CYTH1: variants seen among roughly 807,000 people sequenced by gnomAD.
The protein encoded by CYTH1 is cytohesin-1.
CYTH1 carries 18 observed loss-of-function variants against 61.8 expected under a neutral mutation model. The observed-to-expected ratio is 0.29, with a 90% CI of 0.20 to 0.43. CYTH1 has a LOEUF of 0.43. Among genes scored for constraint, CYTH1 ranks in the 20% least tolerant of loss-of-function variants. The pLI, the probability that CYTH1 is intolerant of heterozygous loss-of-function variation, is 1.00. For synonymous variants in CYTH1, 174 were observed against 184.3 expected, an observed-to-expected ratio of 0.94 and a Z score of 0.45; for missense variants, 336 against 510.5, an observed-to-expected ratio of 0.66 and a Z score of 3.29.
Position 78,676,064 on chromosome 17 carries a change from C to T in CYTH1, c.*27G>A, listed in dbSNP as rs769629276. ...AGAAGAGCAGGAGCTCCAAGGCCCC[C>T]GCAGACCAACGCCCTTGGCTGCACG... On this transcript the variant is annotated 3_prime_UTR_variant, in exon 14 of 14. Coordinates refer to ENST00000446868, the MANE Select transcript of CYTH1 (RefSeq NM_004762.6). 26 of 1,590,666 alleles carry T rather than the reference C, an allele frequency of 1.6e-5. No individual in the cohort carries two copies. In the East Asian group the frequency reaches 2.7e-4, roughly 17 times the overall value.
At chr17:78,709,585 T>C in intron 2 of CYTH1, 65 bp downstream of exon 2, 1 of 1,567,040 alleles carries the variant, frequency 6.4e-7, no homozygotes, top group Admixed American at 1.7e-5. Context: ...AAGGACACCC[T>C]TTCATACAAA....
At chr17:78,734,906 T>C (rs914694043) in intron 1 of CYTH1, among the ~76,000 whole-genome samples, 6 of 152,154 alleles carry the variant, frequency 3.9e-5, no homozygotes, top group Non-Finnish European at 7.3e-5. Context: ...CATAACTGAC[T>C]CTTAACTTCT....
chr17:78,778,114 C>A (rs2093500365), intron 1 of CYTH1, among the ~76,000 whole-genome samples: 1 of 151,562 alleles, frequency 6.6e-6, no homozygotes. Flanking sequence ...ACCAGCCTGG[C>A]CAACATGGGG....
intron 1 of CYTH1, among the ~76,000 whole-genome samples, chr17:78,715,425 G>A (rs569357101): frequency 6.6e-6 from 1 of 152,278 alleles, no homozygotes; most frequent in African/African-American, 2.4e-5. Flanking sequence ...CAAGGAACGG[G>A]ACTGACTCAG....
Position 78,709,502 on chromosome 17 carries a change from A to G in CYTH1, c.105+148T>C, listed in dbSNP as rs2093105367. 5.6e-6 allele frequency: 4 copies of G among 712,862 alleles called. No homozygotes were observed. In the South Asian group the frequency reaches 7.4e-5, roughly 13 times the overall value. The allele number at this position is 712,862 out of a possible 1,614,324, so 44.2% of individuals were successfully genotyped here. Reference sequence around the variant, plus strand: ...CTCAGCTGTAGAGGAAAGGTGACTGATTATCAACACCTACGCTTTGTGCAG... The same window carrying G: ...CTCAGCTGTAGAGGAAAGGTGACTGGTTATCAACACCTACGCTTTGTGCAG... On this transcript the variant is annotated intron_variant, in intron 2 of 13. Coordinates refer to ENST00000446868, the MANE Select transcript of CYTH1 (RefSeq NM_004762.6).
At chr17:78,689,435 C>T (rs527523285) in intron 11 of CYTH1, among the ~76,000 whole-genome samples, 3 of 152,308 alleles carry the variant, frequency 2.0e-5, no homozygotes, top group Admixed American at 2.0e-4. Context: ...ATCTCTGGCC[C>T]ATACAATTTA....
intron 1 of CYTH1, among the ~76,000 whole-genome samples, chr17:78,751,149 C>T (rs543021530): frequency 3.9e-5 from 6 of 151,938 alleles, no homozygotes; most frequent in African/African-American, 1.2e-4. Context: ...GGGACATGGG[C>T]TCTATTTTTA....
chr17:78,679,018 C>G (rs760852409), intron 13 of CYTH1, among the ~76,000 whole-genome samples: 1 of 152,228 alleles, frequency 6.6e-6, no homozygotes, highest in Non-Finnish European at 1.5e-5. Flanking sequence ...TCCTTTCCCT[C>G]CATCATCACA....
intron 2 of CYTH1, 178 bp downstream of exon 2, chr17:78,709,472 A>G: frequency 1.6e-6 from 1 of 607,764 alleles, no homozygotes; most frequent in East Asian, 2.9e-5. Flanking sequence ...CTGACACTGC[A>G]TCTCCTCAGC....
intron 13 of CYTH1, among the ~76,000 whole-genome samples, chr17:78,678,863 C>G (rs904702238): frequency 3.3e-5 from 5 of 152,230 alleles, no homozygotes; most frequent in Admixed American, 1.3e-4. Flanking sequence ...GGTTACCCAC[C>G]TACCAGGCAC....
chr17:78,771,168 C>T (rs1044146162), intron 1 of CYTH1, among the ~76,000 whole-genome samples: 1 of 152,194 alleles, frequency 6.6e-6, no homozygotes, highest in Non-Finnish European at 1.5e-5. Context: ...GAGGCTGAGG[C>T]AGGTAAACTG....
At chr17:78,702,498 C>T (rs777660169) in intron 4 of CYTH1, 40 bp downstream of exon 4, 20 of 1,600,754 alleles carry the variant, frequency 1.2e-5, no homozygotes, top group Non-Finnish European at 1.6e-5. Context: ...TAAAAAAACC[C>T]CATCTAATAT....
intron 1 of CYTH1, among the ~76,000 whole-genome samples, chr17:78,722,287 A>C (rs2093235296): frequency 6.6e-6 from 1 of 152,230 alleles, no homozygotes; most frequent in Non-Finnish European, 1.5e-5. Context: ...TATAGCTGAC[A>C]TAGCTGGGGT....
At chr17:78,770,976 A>C (rs1403229350) in intron 1 of CYTH1, among the ~76,000 whole-genome samples, 3 of 152,132 alleles carry the variant, frequency 2.0e-5, no homozygotes, top group Non-Finnish European at 4.4e-5. Context: ...AAAAATACAA[A>C]AACTGGCCAG....
intron 13 of CYTH1, among the ~76,000 whole-genome samples, chr17:78,679,158 C>G (rs552358686): frequency 3.3e-5 from 5 of 152,310 alleles, no homozygotes; most frequent in African/African-American, 1.2e-4. Context: ...GGGCTGTAGC[C>G]TGGGTGGGAG....
At chr17:78,773,342 T>C (rs1267248651) in intron 1 of CYTH1, among the ~76,000 whole-genome samples, 2 of 151,636 alleles carry the variant, frequency 1.3e-5, no homozygotes, top group Non-Finnish European at 2.9e-5. Context: ...AAAAAAAAAA[T>C]CTACTGGCCA....
chr17:78,688,495 G>T (rs778915012), intron 11 of CYTH1, among the ~76,000 whole-genome samples: 10 of 152,174 alleles, frequency 6.6e-5, no homozygotes, highest in Non-Finnish European at 1.3e-4. Context: ...GGTGCTGGCC[G>T]AAAGAGCAAC....
Position 78,675,915 on chromosome 17 carries a change from A to T in CYTH1, c.*176T>A, listed in dbSNP as rs71385973. 264 of 1,534,904 alleles carry T rather than the reference A, an allele frequency of 1.7e-4. No homozygotes were observed. The highest frequency in any genetic ancestry group is 5.5e-4 in the African/African-American group (40 of 72,690). On this transcript the variant is annotated 3_prime_UTR_variant, in exon 14 of 14. Coordinates refer to ENST00000446868, the MANE Select transcript of CYTH1 (RefSeq NM_004762.6). ...GTGGCCGGTCCTCTCTTCCCCAGTG[A>T]TAACTGCCCACCCTTCTCCCACTTA... is the stretch of plus-strand genomic sequence containing the variant.
At chr17:78,747,791 T>C (rs1035104542) in intron 1 of CYTH1, among the ~76,000 whole-genome samples, 4 of 152,246 alleles carry the variant, frequency 2.6e-5, no homozygotes, top group African/African-American at 9.6e-5. Context: ...TACCCACTCA[T>C]GAGCTGATGG....
Sources: gnomAD v4.1 joint callset for allele counts (sites outside exome capture counted in the v4.1 genomes callset) on GRCh38, gnomAD v4.1.1 for gene constraint, MANE v1.5 for transcripts, NCBI Gene and HGNC (gene_info 2026-07-23, HGNC 2026-07-21) for gene names.